CACNG2: variants seen among roughly 807,000 people sequenced by gnomAD.
The protein encoded by CACNG2 is voltage-dependent calcium channel gamma-2 subunit.
CACNG2 carries 3 observed loss-of-function variants against 25.9 expected under a neutral mutation model. The ratio of observed to expected loss-of-function variants is 0.12; its 90% CI spans 0.05 to 0.30. CACNG2 has a LOEUF of 0.30. Among genes scored for constraint, CACNG2 ranks in the 10% least tolerant of loss-of-function variants. The pLI is 1.00. For missense variants in CACNG2, 341 were observed against 432.5 expected (o/e 0.79, Z 1.88); for synonymous variants, 167 against 173.3 (o/e 0.96, Z 0.29).
intron 1 of CACNG2, among the ~76,000 whole-genome samples, chr22:36,616,047 AC>A (rs869273581): frequency 1.9e-5 from 2 of 104,122 alleles, no homozygotes; most frequent in Non-Finnish European, 5.0e-5. Context: ...TGCCCCAAAG[AC>A]CCTCAACTCA....
intron 1 of CACNG2, among the ~76,000 whole-genome samples, chr22:36,642,811 C>T (rs189451286): frequency 7.9e-5 from 12 of 152,322 alleles, no homozygotes; most frequent in African/African-American, 2.4e-4. Flanking sequence ...ACAGCTAACC[C>T]AGCACCGATG....
At chr22:36,574,052 C>T (rs1935275071) in intron 2 of CACNG2, among the ~76,000 whole-genome samples, 1 of 152,032 alleles carries the variant, frequency 6.6e-6, no homozygotes, top group Non-Finnish European at 1.5e-5. Context: ...TGGGGAGCAC[C>T]TAAGGAGAGG....
At chr22:36,598,383 C>T (rs1041882986) in intron 1 of CACNG2, among the ~76,000 whole-genome samples, 4 of 152,136 alleles carry the variant, frequency 2.6e-5, no homozygotes, top group African/African-American at 4.8e-5. Flanking sequence ...GTTGGGAGGC[C>T]GAGGTGGGCA....
chr22:36,566,650 G>A (rs1293390923), intron 2 of CACNG2, among the ~76,000 whole-genome samples, 157 bp from the exon 3 acceptor site: 1 of 152,132 alleles, frequency 6.6e-6, no homozygotes, highest in African/African-American at 2.4e-5. Context: ...GAGAGACAGC[G>A]AGCAGGCCAC....
Position 36,564,140 on chromosome 22 carries a change from T to C in CACNG2, c.*211A>G, listed in dbSNP as rs1199589334. The C allele has an allele frequency of 4.2e-6, 2 of 479,438 alleles. No homozygotes were observed. The highest frequency in any genetic ancestry group is 7.3e-6 in the Non-Finnish European group (2 of 274,064). The allele number at this position is 479,438 out of a possible 1,614,324, so 29.7% of individuals were successfully genotyped here. ...TGTTGTTTTGCTTCTTTGTTCCTCT[T>C]ATATTTTGTTCTTTTTTTTAAAATT... On this transcript the variant is annotated 3_prime_UTR_variant, in exon 4 of 4. Coordinates refer to ENST00000300105, the MANE Select transcript of CACNG2 (RefSeq NM_006078.5). The surrounding 1 kb of genome is among the most constrained non-coding windows in gnomAD (Gnocchi z 6.7).
intron 1 of CACNG2, among the ~76,000 whole-genome samples, chr22:36,680,652 C>CCACCACCACCACCACCACCAT (rs1937103301): frequency 6.0e-5 from 1 of 16,706 alleles, no homozygotes; most frequent in Non-Finnish European, 1.4e-4. Context: ...ATCATTATCA[C>CCACCACCACCACCACCACCAT]CACCATCACC....
At chr22:36,602,125 A>C (rs910723914) in intron 1 of CACNG2, among the ~76,000 whole-genome samples, 43 of 152,278 alleles carry the variant, frequency 2.8e-4, no homozygotes, top group African/African-American at 1.0e-3. Context: ...TCATCTTTGG[A>C]GAAATGCCTA....
chr22:36,669,862 A>C (rs537846817), intron 1 of CACNG2, among the ~76,000 whole-genome samples: 1 of 151,980 alleles, frequency 6.6e-6, no homozygotes, highest in Admixed American at 6.6e-5. Flanking sequence ...ACAGGTGCCC[A>C]ACACCACGCC....
chr22:36,621,406 C>T (rs1408224310), intron 1 of CACNG2, among the ~76,000 whole-genome samples: 2 of 152,122 alleles, frequency 1.3e-5, no homozygotes, highest in East Asian at 3.9e-4. Flanking sequence ...CTCATCTCTA[C>T]TAAAAATACA....
chr22:36,578,430 G>A (rs753362702), intron 2 of CACNG2, among the ~76,000 whole-genome samples: 33 of 151,698 alleles, frequency 2.2e-4, no homozygotes, highest in South Asian at 4.2e-4. Flanking sequence ...CCTGGTGGAC[G>A]CCCCTCATGC....
chr22:36,658,536 T>A (rs191175606), intron 1 of CACNG2, among the ~76,000 whole-genome samples: 45 of 152,352 alleles, frequency 3.0e-4, no homozygotes, highest in Non-Finnish European at 6.0e-4. Flanking sequence ...AGAAGCTAGA[T>A]AATTTACTAT....
Position 36,606,686 on chromosome 22 carries a change from A to G in CACNG2, c.212-19138T>C, listed in dbSNP as rs868265579. Among the ~76,000 whole-genome samples the G allele has an allele frequency of 6.6e-6, 1 of 152,078 alleles. No individual in the cohort carries two copies. Among genetic ancestry groups the G allele is most frequent in the Non-Finnish European group, 1.5e-5 (1 of 68,004 alleles). On this transcript the variant is annotated intron_variant, in intron 1 of 3. Coordinates refer to ENST00000300105, the MANE Select transcript of CACNG2 (RefSeq NM_006078.5). This position sits in a 1 kb window ranked among gnomAD's most constrained non-coding sequence, Gnocchi z 5.7. ...TTGAGAGAAGAGCAAGTGAGGGCCA[A>G]CCAGAGAGAGGACAGGATGCTGAAG...
intron 1 of CACNG2, among the ~76,000 whole-genome samples, chr22:36,618,603 C>T (rs1936060271): frequency 6.6e-6 from 1 of 152,212 alleles, no homozygotes; most frequent in Admixed American, 6.5e-5. Context: ...AGAGAGACAA[C>T]AGAATGGCCT....
chr22:36,641,648 T>G (rs183628979), intron 1 of CACNG2, among the ~76,000 whole-genome samples: 3 of 152,344 alleles, frequency 2.0e-5, no homozygotes, highest in African/African-American at 4.8e-5. Context: ...TTTAGGTCTG[T>G]GTGTACGACG....
chr22:36,685,204 G>A lies in CACNG2; in HGVS notation c.211+17162C>T, dbSNP rs1000058142. ...TCTCTCCCAGCCTGGGGGCGGGCAG[G>A]CCTCTCTCTGCATCCTGCTGCTGTT... On this transcript the variant is annotated intron_variant, in intron 1 of 3. Coordinates refer to ENST00000300105, the MANE Select transcript of CACNG2 (RefSeq NM_006078.5). Among the ~76,000 whole-genome samples the A allele has an allele frequency of 3.9e-4, 59 of 152,196 alleles. 1 individual carries two copies. The highest frequency in any genetic ancestry group is 1.4e-3 in the African/African-American group (57 of 41,520).
At chr22:36,575,230 C>A (rs1935293524) in intron 2 of CACNG2, among the ~76,000 whole-genome samples, 1 of 152,212 alleles carries the variant, frequency 6.6e-6, no homozygotes, top group Non-Finnish European at 1.5e-5. Flanking sequence ...TTATTATTTT[C>A]TATGAGGGTG....
intron 1 of CACNG2, among the ~76,000 whole-genome samples, chr22:36,663,326 T>G (rs941556915): frequency 6.6e-6 from 1 of 152,134 alleles, no homozygotes; most frequent in Non-Finnish European, 1.5e-5. Flanking sequence ...AAAAGGTCTT[T>G]GGTTTTCGCC....
At chr22:36,684,088 G>A (rs1399789911) in intron 1 of CACNG2, among the ~76,000 whole-genome samples, 1 of 152,146 alleles carries the variant, frequency 6.6e-6, no homozygotes. Flanking sequence ...GTCTCTCCAT[G>A]TCTTTCAAAC....
chr22:36,568,806 G>T (rs1051420984), intron 2 of CACNG2, among the ~76,000 whole-genome samples: 1 of 151,990 alleles, frequency 6.6e-6, no homozygotes, highest in Non-Finnish European at 1.5e-5. Context: ...GGGTTATTTG[G>T]GGGGGACCTG....
Sources: allele counts gnomAD v4.1 joint callset (sites outside exome capture counted in the v4.1 genomes callset), GRCh38; gene constraint gnomAD v4.1.1; non-coding constraint Gnocchi (gnomAD v3.1); transcripts MANE v1.5; gene names NCBI Gene and HGNC (gene_info 2026-07-23, HGNC 2026-07-21).